DPH6: variants seen among roughly 807,000 people sequenced by gnomAD.
DPH6 encodes diphthine--ammonia ligase.
In DPH6, 33 loss-of-function variants were observed where a neutral mutation model predicts 38.2. The observed-to-expected ratio is 0.86, with a 90% CI of 0.65 to 1.15. DPH6 has a LOEUF of 1.15. Ranked by LOEUF, DPH6 falls within the 50% of genes most tolerant of loss-of-function variation. The probability of loss-of-function intolerance (pLI) is 0.00; values close to 1 mark genes in which losing one functional copy is unlikely to be tolerated. For missense variants in DPH6, 325 were observed against 320.0 expected (o/e 1.02, Z -0.12); for synonymous variants, 108 against 103.0 (o/e 1.05, Z -0.30).
At chr15:35,384,741 A>G (rs1049070633) in intron 6 of DPH6, among the ~76,000 whole-genome samples, 16 of 152,192 alleles carry the variant, frequency 1.1e-4, no homozygotes, top group African/African-American at 3.6e-4. Context: ...CTATGCATGC[A>G]GGGATGAGGA....
chr15:35,445,288 C>T (rs2053837253), intron 5 of DPH6, among the ~76,000 whole-genome samples: 1 of 151,244 alleles, frequency 6.6e-6, no homozygotes, highest in African/African-American at 2.4e-5. Flanking sequence ...AGGTAGATGT[C>T]TTAGCAACAT....
At chr15:35,326,268 G>A (rs2052281497), downstream of DPH6, among the ~76,000 whole-genome samples, 1 of 151,950 alleles carries the variant, frequency 6.6e-6, no homozygotes, top group South Asian at 2.1e-4. Context: ...CTTGAAAACT[G>A]TCAAAACTGA....
At chr15:35,490,116 A>T (rs1027800215) in intron 3 of DPH6, 13 of 985,382 alleles carry the variant, frequency 1.3e-5, no homozygotes, top group African/African-American at 1.7e-5. Context: ...GCTCTTTTTC[A>T]ACTGCACTTC....
chr15:35,148,900 T>C, the DPH6 span, among the ~76,000 whole-genome samples: 2 of 152,194 alleles, frequency 1.3e-5, no homozygotes, highest in Non-Finnish European at 2.9e-5. Flanking sequence ...TAGCATTACC[T>C]ATGACACTTG....
intron 3 of DPH6, among the ~76,000 whole-genome samples, chr15:35,503,499 A>G (rs2054653879): frequency 6.6e-6 from 1 of 152,072 alleles, no homozygotes; most frequent in African/African-American, 2.4e-5. Flanking sequence ...CTCCAAGACC[A>G]TGGAGAAAAA....
At chr15:35,467,498 G>A (rs373619398) in intron 3 of DPH6, among the ~76,000 whole-genome samples, 56 of 152,222 alleles carry the variant, frequency 3.7e-4, no homozygotes, top group African/African-American at 1.2e-3. Context: ...CCTGGGAGGC[G>A]GAGGTTGCAG....
chr15:35,249,439 G>T (rs1308463038), intron 3 of DPH6, among the ~76,000 whole-genome samples: 2 of 152,122 alleles, frequency 1.3e-5, no homozygotes, highest in East Asian at 1.9e-4. Flanking sequence ...AAAATAAAAA[G>T]AAATATTACA....
chr15:35,457,079 G>C (rs1362682777), intron 3 of DPH6, among the ~76,000 whole-genome samples: 2 of 151,932 alleles, frequency 1.3e-5, no homozygotes, highest in African/African-American at 4.8e-5. Flanking sequence ...TCAGCCTCCA[G>C]AGTAACTGGG....
In DPH6 at chr15:35,311,426, A is replaced by G. The variant is rs549028475; in HGVS notation, n.200+62095T>C. 6.6e-5 allele frequency among the ~76,000 whole-genome samples: 10 copies of G among 152,336 alleles called. 1 individual carries two copies. The South Asian group carries it at 2.1e-3, about 32-fold the overall frequency. ...CTTACTCTTTTTTCTATACAAAAATATAATTCAAGATAATTACAAAAAAAT... is the reference window on the plus strand; with the variant it reads ...CTTACTCTTTTTTCTATACAAAAATGTAATTCAAGATAATTACAAAAAAAT... On this transcript the variant is annotated intron_variant and non_coding_transcript_variant, in intron 3 of 3. Coordinates refer to the DPH6 transcript ENST00000560386.
chr15:35,495,324 T>C (rs2054535372), intron 3 of DPH6, among the ~76,000 whole-genome samples: 1 of 152,120 alleles, frequency 6.6e-6, no homozygotes, highest in African/African-American at 2.4e-5. Flanking sequence ...GTTTAAAGAC[T>C]TAGGGAGAAG....
At chr15:35,233,879 C>T (rs1479473037) in intron 3 of DPH6, among the ~76,000 whole-genome samples, 1 of 152,162 alleles carries the variant, frequency 6.6e-6, no homozygotes, top group South Asian at 2.1e-4. Context: ...TCTTGTCAAT[C>T]AAATCTCCAC....
downstream of DPH6, among the ~76,000 whole-genome samples, chr15:35,328,424 G>A (rs758096962): frequency 6.6e-6 from 1 of 151,810 alleles, no homozygotes; most frequent in Non-Finnish European, 1.5e-5. Context: ...GACTCTAAAC[G>A]TTGTGAGTAC....
the DPH6 span, among the ~76,000 whole-genome samples, chr15:35,175,351 C>T: frequency 1.3e-5 from 2 of 152,302 alleles, no homozygotes; most frequent in East Asian, 3.9e-4. Flanking sequence ...TTTCAAAATT[C>T]ACTCACAAAG....
intron 6 of DPH6, among the ~76,000 whole-genome samples, chr15:35,395,471 G>A (rs896360669): frequency 4.6e-5 from 7 of 152,176 alleles, no homozygotes; most frequent in African/African-American, 1.7e-4. Context: ...GCCTCTTCAT[G>A]AATGGGCCTT....
intron 1 of DPH6, among the ~76,000 whole-genome samples, chr15:35,543,267 T>G (rs62003638): frequency 7.0e-4 from 8 of 11,506 alleles, no homozygotes; most frequent in Admixed American, 1.4e-3. Flanking sequence ...ATAATATATA[T>G]ATATATATAT....
the DPH6 span, among the ~76,000 whole-genome samples, chr15:35,158,627 T>C: frequency 3.3e-5 from 5 of 152,028 alleles, no homozygotes; most frequent in African/African-American, 4.8e-5. Context: ...AAGTGGGAGA[T>C]AGAACAAATT....
chr15:35,473,966 G>A lies in DPH6; in HGVS notation c.313-19146C>T, dbSNP rs796189675. 3.1e-3 allele frequency among the ~76,000 whole-genome samples: 472 copies of A among 150,334 alleles called. 3 individuals carry two copies. In the East Asian group the frequency reaches 0.034, roughly 11 times the overall value. ...TGTGTGTGTGTGTGTGTGCGCGCGC[G>A]CGCGTGAGCTTTTGTAGACATAAAG... On this transcript the variant is annotated intron_variant, in intron 3 of 8. Transcript: ENST00000256538.
intron 3 of DPH6, among the ~76,000 whole-genome samples, chr15:35,242,592 T>C (rs1217141094): frequency 7.0e-6 from 1 of 143,188 alleles, no homozygotes; most frequent in Non-Finnish European, 1.5e-5. Flanking sequence ...AAGCATTTTT[T>C]CAGGCTCTTA....
chr15:35,437,360 C>T (rs541727786), intron 5 of DPH6, among the ~76,000 whole-genome samples: 11 of 152,192 alleles, frequency 7.2e-5, no homozygotes, highest in Admixed American at 2.0e-4. Context: ...TAATTGGGTC[C>T]CCCTACAGGA....
Sources: allele counts gnomAD v4.1 joint callset (sites outside exome capture counted in the v4.1 genomes callset), GRCh38; gene constraint gnomAD v4.1.1; transcripts MANE v1.5; gene names NCBI Gene and HGNC (gene_info 2026-07-23, HGNC 2026-07-21).